Variants in THSD4 observed in about 807,000 individuals in gnomAD.
The protein encoded by THSD4 is thrombospondin type-1 domain-containing protein 4.
THSD4 carries 69 observed loss-of-function variants against 119.0 expected under a neutral mutation model. The observed-to-expected ratio is 0.58, with a 90% CI of 0.48 to 0.71. The LOEUF (loss-of-function observed/expected upper bound fraction) is 0.71, where lower values mean the gene tolerates loss of function less well. Ranked by LOEUF, THSD4 falls within the 30% of genes least tolerant of loss-of-function variation. THSD4 has a pLI of 0.00. For synonymous variants in THSD4, 524 were observed against 540.4 expected, an observed-to-expected ratio of 0.97 and a Z score of 0.42; for missense variants, 1,393 against 1,391.1, an observed-to-expected ratio of 1.00 and a Z score of -0.02.
chr15:71,425,541 CT>C (rs1468837221), intron 7 of THSD4, among the ~76,000 whole-genome samples: 2 of 152,184 alleles, frequency 1.3e-5, no homozygotes, highest in Non-Finnish European at 2.9e-5. Context: ...CGTCTGCCCC[CT>C]GTCAGGCCTC....
At chr15:71,732,730 C>T (rs1180883134) in intron 10 of THSD4, 1 of 152,170 alleles carries the variant, frequency 6.6e-6, no homozygotes, top group East Asian at 1.9e-4. Flanking sequence ...CCTGATCTCA[C>T]ACCTGGGCAG....
At chr15:71,736,172 TCTCTCACA>T (rs1451681707) in intron 10 of THSD4, among the ~76,000 whole-genome samples, 1 of 142,446 alleles carries the variant, frequency 7.0e-6, no homozygotes, top group African/African-American at 2.6e-5. Flanking sequence ...TGTCTCTGTC[TCTCTCACA>T]CTCTGTCTCT....
intron 8 of THSD4, among the ~76,000 whole-genome samples, chr15:71,672,746 C>G (rs2051558624): frequency 6.6e-6 from 1 of 152,162 alleles, no homozygotes; most frequent in African/African-American, 2.4e-5. Context: ...TTGAGATAAT[C>G]ATGTGGTTTT....
At chr15:71,541,198 A>T (rs2048755289) in intron 7 of THSD4, among the ~76,000 whole-genome samples, 1 of 152,242 alleles carries the variant, frequency 6.6e-6, no homozygotes, top group African/African-American at 2.4e-5. Flanking sequence ...TTAACCCAAC[A>T]TATTCAAAAT....
intron 7 of THSD4, among the ~76,000 whole-genome samples, chr15:71,492,524 T>C (rs1467852707): frequency 6.6e-6 from 1 of 152,126 alleles, no homozygotes; most frequent in African/African-American, 2.4e-5. Flanking sequence ...TAACCTCAAG[T>C]GATCCACCCA....
chr15:71,427,571 G>A (rs1384316703), intron 7 of THSD4, among the ~76,000 whole-genome samples: 1 of 148,806 alleles, frequency 6.7e-6, no homozygotes, highest in East Asian at 2.0e-4. Context: ...TTGGAGATTG[G>A]AGAAAGTGTA....
intron 7 of THSD4, among the ~76,000 whole-genome samples, chr15:71,459,019 TTAACACTTG>T (rs1040971631): frequency 1.3e-5 from 2 of 152,150 alleles, no homozygotes; most frequent in Non-Finnish European, 2.9e-5. Context: ...TTATTTATAA[TTAACACTTG>T]GATTGAAAAT....
At chr15:71,219,613 G>A (rs775677302) in intron 4 of THSD4, among the ~76,000 whole-genome samples, 15 of 152,196 alleles carry the variant, frequency 9.9e-5, no homozygotes, top group Non-Finnish European at 1.8e-4. Context: ...ACATGTAAAT[G>A]CCTTCAATAT....
chr15:71,389,537 A>G (rs1285273532), intron 6 of THSD4, among the ~76,000 whole-genome samples: 1 of 150,922 alleles, frequency 6.6e-6, no homozygotes, highest in Non-Finnish European at 1.5e-5. Flanking sequence ...CCACTCATCC[A>G]CTGATGGGCA....
At chr15:71,214,255 C>T (rs2043911395) in intron 3 of THSD4, among the ~76,000 whole-genome samples, 1 of 151,694 alleles carries the variant, frequency 6.6e-6, no homozygotes, top group Non-Finnish European at 1.5e-5. Context: ...GCCCCACTCC[C>T]TCCAGTCCCT....
chr15:71,729,681 AG>A (rs918735112), intron 9 of THSD4: 12 of 152,122 alleles, frequency 7.9e-5, no homozygotes, highest in African/African-American at 2.9e-4. Context: ...ATGGCATCAG[AG>A]GTAAAAACTC....
chr15:71,591,989 A>G (rs2049816819), intron 7 of THSD4, among the ~76,000 whole-genome samples: 1 of 152,160 alleles, frequency 6.6e-6, no homozygotes, highest in Admixed American at 6.5e-5. Context: ...CCTATGAGGC[A>G]GATGTTAATG....
intron 7 of THSD4, among the ~76,000 whole-genome samples, chr15:71,440,208 A>G (rs374229819): frequency 1.3e-5 from 2 of 152,154 alleles, no homozygotes; most frequent in African/African-American, 4.8e-5. Flanking sequence ...TTGGATTCCA[A>G]CATTTGCTTT....
At chr15:71,561,604 G>A (rs1324827067) in intron 7 of THSD4, among the ~76,000 whole-genome samples, 2 of 152,130 alleles carry the variant, frequency 1.3e-5, no homozygotes, top group African/African-American at 4.8e-5. Context: ...GAGGTATACA[G>A]TCAGGAATCC....
At chr15:71,532,561 C>T (rs1418208171) in intron 7 of THSD4, among the ~76,000 whole-genome samples, 4 of 151,912 alleles carry the variant, frequency 2.6e-5, no homozygotes, top group Admixed American at 6.6e-5. Flanking sequence ...GCAATCTGCC[C>T]GCCTTGGCCT....
chr15:71,118,878 A>C (rs2040385811), intron 1 of THSD4, among the ~76,000 whole-genome samples: 1 of 152,156 alleles, frequency 6.6e-6, no homozygotes, highest in Non-Finnish European at 1.5e-5. Flanking sequence ...CCCTCTTGGG[A>C]TCCCCCAATT....
chr15:71,144,643 C>G (rs548632092), intron 2 of THSD4, among the ~76,000 whole-genome samples: 5 of 152,096 alleles, frequency 3.3e-5, no homozygotes, highest in African/African-American at 1.2e-4. Flanking sequence ...TTTTGCCAAG[C>G]CACAGAGAAA....
intron 7 of THSD4, among the ~76,000 whole-genome samples, chr15:71,562,892 C>T (rs999749266): frequency 4.0e-5 from 6 of 151,640 alleles, no homozygotes; most frequent in African/African-American, 1.2e-4. Context: ...TTAGTAGAAA[C>T]GGGGTTTCGC....
chr15:71,616,666 T>C (rs2050323372), intron 7 of THSD4, among the ~76,000 whole-genome samples: 1 of 152,188 alleles, frequency 6.6e-6, no homozygotes, highest in African/African-American at 2.4e-5. Flanking sequence ...TGAGGAAGCA[T>C]TTCCTAGAAA....
Sources: gnomAD v4.1 joint callset for allele counts (sites outside exome capture counted in the v4.1 genomes callset) on GRCh38, gnomAD v4.1.1 for gene constraint, MANE v1.5 for transcripts, NCBI Gene and HGNC (gene_info 2026-07-23, HGNC 2026-07-21) for gene names.